The following DAB1 variants were observed in gnomAD, a reference collection of about 807,000 sequenced individuals.
The protein encoded by DAB1 is disabled homolog 1.
DAB1 carries 15 observed loss-of-function variants against 64.6 expected under a neutral mutation model. The ratio of observed to expected loss-of-function variants is 0.23; its 90% confidence interval spans 0.16 to 0.36. The LOEUF is 0.36. Ranked by LOEUF, DAB1 falls within the 10% of genes least tolerant of loss-of-function variation. The probability of loss-of-function intolerance (pLI) is 1.00; values close to 1 mark genes in which losing one functional copy is unlikely to be tolerated. For synonymous variants in DAB1, 235 were observed against 251.9 expected (o/e 0.93, Z 0.64); for missense variants, 596 against 706.7 (o/e 0.84, Z 1.78).
At position 57,189,845 on chromosome 1, in the gene DAB1, G is replaced by GAA. The variant is rs34251961; in HGVS notation, c.68-44418_68-44417dup. ...TGGCAGACAATTGCAAAGGGAAGGG[G>GAA]AAAAAAAAAAAAAAACACAACAGAA... is the stretch of plus-strand genomic sequence containing the variant. On this transcript the variant is annotated intron_variant, in intron 2 of 14. Transcript: ENST00000371236. Among the ~76,000 whole-genome samples, 169 of 136,728 alleles carry GAA rather than the reference G, an allele frequency of 1.2e-3. 2 individuals carry two copies. The highest frequency in any genetic ancestry group is 0.011 in the Middle Eastern group (3 of 268). 89.7% of individuals were successfully genotyped at this position (136,728 alleles called of 152,430 possible). A position where few individuals can be genotyped will look rare whatever the true frequency, so the allele number is the denominator to read the frequency against.
chr1:57,182,980 C>T (rs973948658), intron 2 of DAB1, among the ~76,000 whole-genome samples: 10 of 152,092 alleles, frequency 6.6e-5, no homozygotes, highest in Admixed American at 2.6e-4. Context: ...TCAATAGGCA[C>T]GCATGGCTGG....
Position 57,026,004 on chromosome 1 carries a change from G to T in DAB1, c.763C>A (p.Pro255Thr). 6.3e-7 allele frequency: 1 copy of T among 1,589,124 alleles called. No homozygotes were observed. Among genetic ancestry groups the T allele is most frequent in the Admixed American group, 1.8e-5 (1 of 55,380 alleles). ...ACGGGGGGAGAGGTTATATCAGGGGGTGTGGACATGTCCCCAAAAAGTTCT... is the reference window on the plus strand; with the variant it reads ...ACGGGGGGAGAGGTTATATCAGGGGTTGTGGACATGTCCCCAAAAAGTTCT... ...QLELFGDMST[P>T]PDITSPPTPA... The change falls in exon 10 of 15, where the codon CCC becomes ACC. Residue 255 changes from proline (P) to threonine (T), a missense_variant. Physicochemically the swap from Pro to Thr is conservative, Grantham distance 38. This residue lies in a region of DAB1 where 377 missense variants were observed against 400.4 expected (regional missense o/e 0.94). Coordinates refer to ENST00000371236, the MANE Select transcript of DAB1 (RefSeq NM_001365792.1).
chr1:57,534,844 T>C (rs1405147066), intron 7 of DAB1, among the ~76,000 whole-genome samples: 1 of 152,218 alleles, frequency 6.6e-6, no homozygotes, highest in African/African-American at 2.4e-5. Context: ...AGAGGATACC[T>C]TGGACTCTGT....
intron 1 of DAB1, among the ~76,000 whole-genome samples, chr1:58,529,504 A>T (rs17117647): frequency 0.12 from 17,695 of 152,262 alleles, 1,219 homozygotes; most frequent in African/African-American, 0.18. Flanking sequence ...TAAAAACAAA[A>T]GTTAACAAAC....
chr1:58,089,023 A>G lies in DAB1; in HGVS notation n.387+61488T>C, dbSNP rs1650483350. ...TTAGCATTCTAGTGTTTTATAAGCC[A>G]CAACGCAGCAAAATAGGGCATGGGC... On this transcript the variant is annotated intron_variant and non_coding_transcript_variant, in intron 5 of 20. Transcript: ENST00000485760. 2.0e-5 allele frequency among the ~76,000 whole-genome samples: 3 copies of G among 152,258 alleles called. No homozygotes were observed. The South Asian group carries it at 6.2e-4, about 31-fold the overall frequency.
chr1:57,385,670 G>A (rs139426197), intron 1 of DAB1, among the ~76,000 whole-genome samples: 23 of 152,290 alleles, frequency 1.5e-4, no homozygotes, highest in African/African-American at 5.1e-4. Flanking sequence ...AAACAGTTCA[G>A]TAAGGGTGAA....
intron 3 of DAB1, among the ~76,000 whole-genome samples, chr1:58,398,538 G>A (rs893733166): frequency 6.6e-6 from 1 of 152,220 alleles, no homozygotes; most frequent in African/African-American, 2.4e-5. Context: ...ATAGCAGATC[G>A]TAGAGTATAA....
intron 7 of DAB1, among the ~76,000 whole-genome samples, chr1:57,636,117 A>C (rs1305021336): frequency 1.3e-5 from 2 of 149,712 alleles, no homozygotes; most frequent in African/African-American, 5.0e-5. Flanking sequence ...AAAAAAACAA[A>C]AACAAAAAAC....
chr1:57,069,551 T>A, intron 7 of DAB1, 126 bp from the exon 8 acceptor site: 1 of 708,176 alleles, frequency 1.4e-6, no homozygotes, highest in Non-Finnish European at 2.5e-6. Flanking sequence ...GAAAACACCT[T>A]AAAGACACAA....
At chr1:57,110,463 A>G (rs980888063) in intron 4 of DAB1, among the ~76,000 whole-genome samples, 1 of 152,216 alleles carries the variant, frequency 6.6e-6, no homozygotes, top group African/African-American at 2.4e-5. Flanking sequence ...TTACATTAAG[A>G]AGGTAAATTC....
intron 6 of DAB1, among the ~76,000 whole-genome samples, chr1:57,699,414 T>A (rs1646882079): frequency 6.6e-6 from 1 of 152,212 alleles, no homozygotes; most frequent in African/African-American, 2.4e-5. Flanking sequence ...CCAGGCTTAC[T>A]TTCACAGGAT....
chr1:57,400,289 GA>G (rs1436546878), intron 1 of DAB1, among the ~76,000 whole-genome samples: 2 of 150,168 alleles, frequency 1.3e-5, no homozygotes, highest in Admixed American at 6.6e-5. Flanking sequence ...TGGAGAGAAA[GA>G]AAAAAAAACC....
chr1:57,596,161 C>A (rs1285010735), intron 7 of DAB1, among the ~76,000 whole-genome samples: 1 of 152,198 alleles, frequency 6.6e-6, no homozygotes, highest in African/African-American at 2.4e-5. Context: ...TTGCAGAACT[C>A]CAAGGGACAC....
chr1:57,300,613 G>C (rs564162467), intron 1 of DAB1, among the ~76,000 whole-genome samples: 1 of 152,154 alleles, frequency 6.6e-6, no homozygotes, highest in African/African-American at 2.4e-5. Flanking sequence ...TCTGCAGAAG[G>C]AGAGATAGGC....
intron 5 of DAB1, among the ~76,000 whole-genome samples, chr1:58,052,292 T>C (rs887983568): frequency 6.6e-6 from 1 of 152,254 alleles, no homozygotes; most frequent in African/African-American, 2.4e-5. Flanking sequence ...CACCATTTAC[T>C]AAATAGGGAA....
chr1:57,082,380 T>A (rs554213338), intron 4 of DAB1, among the ~76,000 whole-genome samples: 3 of 152,330 alleles, frequency 2.0e-5, no homozygotes, highest in Admixed American at 1.3e-4. Flanking sequence ...GTCCAAACCA[T>A]AAGAGAGTCT....
intron 4 of DAB1, among the ~76,000 whole-genome samples, chr1:57,110,276 A>C (rs536606375): frequency 3.9e-5 from 6 of 152,314 alleles, no homozygotes; most frequent in Admixed American, 1.3e-4. Flanking sequence ...AAATATTCTC[A>C]ATTCAGGCTC....
intron 6 of DAB1, among the ~76,000 whole-genome samples, chr1:57,781,126 C>CTCTATATATATATA (rs1557477160): frequency 7.2e-5 from 2 of 27,714 alleles, no homozygotes; most frequent in Non-Finnish European, 1.3e-4. Flanking sequence ...CTCTCTCTCT[C>CTCTATATATATATA]TATATATATA....
chr1:57,096,902 A>T (rs1336037548), intron 4 of DAB1, among the ~76,000 whole-genome samples: 1 of 152,142 alleles, frequency 6.6e-6, no homozygotes, highest in African/African-American at 2.4e-5. Flanking sequence ...AGCTGGGATA[A>T]CTTTTTCTGG....
Sources: gnomAD v4.1 joint callset for allele counts (sites outside exome capture counted in the v4.1 genomes callset) on GRCh38, gnomAD v4.1.1 for gene constraint, gnomAD v4.1.1 regional missense constraint, MANE v1.5 for transcripts, NCBI Gene and HGNC (gene_info 2026-07-23, HGNC 2026-07-21) for gene names.